DNAH9: variants seen among roughly 807,000 people sequenced by gnomAD.
The protein encoded by DNAH9 is DNAH9 variant protein.
A neutral mutation model predicts 471.6 loss-of-function variants in DNAH9; 345 were observed. The observed-to-expected ratio is 0.73, with a 90% CI of 0.67 to 0.80. The LOEUF (loss-of-function observed/expected upper bound fraction) is 0.80, where lower values mean the gene tolerates loss of function less well. Ranked by LOEUF, DNAH9 falls within the 30% of genes least tolerant of loss-of-function variation. The pLI, the probability that DNAH9 is intolerant of heterozygous loss-of-function variation, is 0.00. For synonymous variants in DNAH9, 2,093 were observed against 2,123.6 expected (o/e 0.99, Z 0.40); for missense variants, 5,407 against 5,609.2 (o/e 0.96, Z 1.15).
Position 11,716,361 on chromosome 17 carries a change from G to A in DNAH9, c.5553-2973G>A, listed in dbSNP as rs184376302. Among the ~76,000 whole-genome samples, 364 of 152,082 alleles carry A rather than the reference G, an allele frequency of 2.4e-3. 2 individuals carry two copies. The highest frequency in any genetic ancestry group is 8.3e-3 in the African/African-American group (344 of 41,504). ...CTCCCAAAGTGCTAGGATTACAGGC[G>A]TGAGCCACCGTGCCCGGCCCTGTCT... On this transcript the variant is annotated intron_variant, in intron 26 of 68. Transcript: ENST00000262442.
chr17:11,869,324 G>C, intron 51 of DNAH9, 71 bp downstream of exon 51: 2 of 1,585,584 alleles, frequency 1.3e-6, no homozygotes, highest in Non-Finnish European at 1.7e-6. Flanking sequence ...GGAGGTGCAA[G>C]ATAGATGAGC....
intron 10 of DNAH9, among the ~76,000 whole-genome samples, chr17:11,643,671 C>T (rs999993560): frequency 3.9e-5 from 6 of 152,224 alleles, no homozygotes; most frequent in South Asian, 4.1e-4. Context: ...AGGAGCAATA[C>T]GCTCTATGAT....
intron 20 of DNAH9, 139 bp downstream of exon 20, chr17:11,690,575 G>A (rs866024964): frequency 3.9e-6 from 3 of 762,716 alleles, no homozygotes; most frequent in Non-Finnish European, 6.2e-6. Context: ...TCCCACAGAT[G>A]CTCACCTTAC....
chr17:11,749,532 G>C (rs1967061963), intron 32 of DNAH9, among the ~76,000 whole-genome samples: 1 of 151,034 alleles, frequency 6.6e-6, no homozygotes, highest in Non-Finnish European at 1.5e-5. Flanking sequence ...AGTCTTTTTA[G>C]CATCTGGGAT....
chr17:11,814,968 A>C (rs77016737), intron 45 of DNAH9, among the ~76,000 whole-genome samples: 4 of 151,318 alleles, frequency 2.6e-5, no homozygotes, highest in Admixed American at 6.6e-5. Flanking sequence ...AAGAAAAAAA[A>C]AACAATAAAG....
chr17:11,638,891 G>T (rs973267400), intron 9 of DNAH9, among the ~76,000 whole-genome samples: 4 of 152,108 alleles, frequency 2.6e-5, no homozygotes, highest in African/African-American at 9.7e-5. Context: ...TTTCCTGTTG[G>T]CTGTCAGCCA....
intron 59 of DNAH9, among the ~76,000 whole-genome samples, chr17:11,898,290 A>C (rs1973288119): frequency 6.6e-6 from 1 of 151,962 alleles, no homozygotes; most frequent in African/African-American, 2.4e-5. Context: ...ACACCCAGAA[A>C]ATTTTTGTAT....
At chr17:11,678,255 A>G (rs1005864111) in intron 17 of DNAH9, among the ~76,000 whole-genome samples, 1 of 152,056 alleles carries the variant, frequency 6.6e-6, no homozygotes, top group African/African-American at 2.4e-5. Context: ...ACAGGGTTTC[A>G]TCATGTTGAC....
At chr17:11,896,518 G>C (rs1376045010) in intron 59 of DNAH9, among the ~76,000 whole-genome samples, 1 of 152,092 alleles carries the variant, frequency 6.6e-6, no homozygotes, top group Non-Finnish European at 1.5e-5. Flanking sequence ...AATTTTATTT[G>C]TCATTCTGGG....
At chr17:11,949,132 C>A (rs1453020489) in intron 67 of DNAH9, among the ~76,000 whole-genome samples, 3 of 152,208 alleles carry the variant, frequency 2.0e-5, no homozygotes, top group Non-Finnish European at 2.9e-5. Context: ...ATGAGGTTTT[C>A]ACTCTGTATT....
intron 48 of DNAH9, among the ~76,000 whole-genome samples, chr17:11,833,036 A>T (rs372841946): frequency 6.6e-6 from 1 of 152,182 alleles, no homozygotes; most frequent in Non-Finnish European, 1.5e-5. Context: ...TTAGGACTTG[A>T]GAGTTTGCAT....
chr17:11,834,167 A>G (rs1178458673), intron 48 of DNAH9, among the ~76,000 whole-genome samples: 1 of 151,924 alleles, frequency 6.6e-6, no homozygotes, highest in East Asian at 1.9e-4. Flanking sequence ...CATCTCTACT[A>G]AAAATACAAA....
At chr17:11,751,004 G>T (rs1278779708) in intron 32 of DNAH9, among the ~76,000 whole-genome samples, 10 of 152,038 alleles carry the variant, frequency 6.6e-5, no homozygotes, top group Admixed American at 6.5e-4. Flanking sequence ...AGTCTATTGT[G>T]AGAGTGATTA....
chr17:11,622,283 C>A (rs558324329), intron 6 of DNAH9, among the ~76,000 whole-genome samples: 1 of 152,296 alleles, frequency 6.6e-6, no homozygotes, highest in South Asian at 2.1e-4. Flanking sequence ...GAAGCTAGAT[C>A]TTATGAAAGG....
intron 1 of DNAH9, among the ~76,000 whole-genome samples, chr17:11,605,613 C>T (rs1478892706): frequency 6.6e-6 from 1 of 151,980 alleles, no homozygotes; most frequent in Non-Finnish European, 1.5e-5. Context: ...GATCCTCTCA[C>T]CTCAGCCTCC....
intron 49 of DNAH9, among the ~76,000 whole-genome samples, chr17:11,852,945 TTAATA>T (rs1971484790): frequency 6.8e-6 from 1 of 147,050 alleles, no homozygotes; most frequent in Admixed American, 6.9e-5. Flanking sequence ...TTTCTCATAT[TTAATA>T]TAAGATATAT....
chr17:11,797,534 G>A, intron 42 of DNAH9, 63 bp from the exon 43 acceptor site: 1 of 1,387,556 alleles, frequency 7.2e-7, no homozygotes, highest in Non-Finnish European at 1.0e-6. Flanking sequence ...AGGTGTCTCT[G>A]CTCTGTGGAA....
chr17:11,627,961 GCAGCCA>G (rs1233135343), intron 6 of DNAH9, among the ~76,000 whole-genome samples: 1 of 152,180 alleles, frequency 6.6e-6, no homozygotes, highest in African/African-American at 2.4e-5. Context: ...ACCCATAGCA[GCAGCCA>G]TGGGCAGTGA....
intron 54 of DNAH9, among the ~76,000 whole-genome samples, chr17:11,880,467 A>G (rs78282832): frequency 0.012 from 1,783 of 152,276 alleles, 37 homozygotes; most frequent in African/African-American, 0.041. Flanking sequence ...CAATTTTGGA[A>G]AAACTTGAGA....
Sources: allele counts gnomAD v4.1 joint callset (sites outside exome capture counted in the v4.1 genomes callset), GRCh38; gene constraint gnomAD v4.1.1; transcripts MANE v1.5; gene names NCBI Gene and HGNC (gene_info 2026-07-23, HGNC 2026-07-21).